PUDP: variants seen among roughly 807,000 people sequenced by gnomAD.
The protein encoded by PUDP is pseudouridine 5'-phosphatase, also known as pseudouridine-5'-phosphatase.
In PUDP, 8 loss-of-function variants were observed where a neutral mutation model predicts 9.4. The ratio of observed to expected loss-of-function variants is 0.85; its 90% CI spans 0.50 to 1.53. PUDP has a LOEUF of 1.53. Ranked by LOEUF, PUDP falls within the 40% of genes most tolerant of loss-of-function variation. PUDP has a pLI of 0.00. For missense variants in PUDP, 188 were observed against 189.7 expected, an observed-to-expected ratio of 0.99 and a Z score of 0.05; for synonymous variants, 99 against 80.7, an observed-to-expected ratio of 1.23 and a Z score of -1.22.
chrX:7,094,769 G>A (rs1206196882), intron 2 of PUDP, among the ~76,000 whole-genome samples: 1 of 111,905 alleles, frequency 8.9e-6, no homozygotes, highest in Admixed American at 9.4e-5. Flanking sequence ...TCCTGAACAT[G>A]GGGCTAATTC....
At chrX:6,790,100 A>G (rs1276709169) in intron 3 of PUDP, among the ~76,000 whole-genome samples, 2 of 111,749 alleles carry the variant, frequency 1.8e-5, no homozygotes, top group Admixed American at 1.9e-4. Context: ...GATGATAGAT[A>G]GATCATAGAG....
chrX:6,916,969 T>C (rs1237250818), intron 3 of PUDP, among the ~76,000 whole-genome samples: 2 of 112,293 alleles, frequency 1.8e-5, no homozygotes, highest in African/African-American at 6.5e-5. Flanking sequence ...TTGATGTGTG[T>C]ATCTATGCAG....
At chrX:7,017,637 T>C (rs1176500297) in intron 1 of PUDP, among the ~76,000 whole-genome samples, 1 of 112,171 alleles carries the variant, frequency 8.9e-6, no homozygotes, top group East Asian at 2.8e-4. Flanking sequence ...GAGTTCTTCC[T>C]AGAATTGGAT....
chrX:6,765,873 A>C lies in PUDP; in HGVS notation c.*248-59407T>G, dbSNP rs998178349. Among the ~76,000 whole-genome samples the C allele has an allele frequency of 5.4e-5, 6 of 111,837 alleles. 1 individual carries two copies. The Admixed American group carries it at 5.7e-4, about 11-fold the overall frequency. ...CAAGTTTGCCAAGAGACATAAACAA[A>C]CAGATTCAAAAAACTGAGTGAAGGC... is the stretch of plus-strand genomic sequence containing the variant. On this transcript the variant is annotated intron_variant and NMD_transcript_variant, in intron 3 of 3. Coordinates refer to the PUDP transcript ENST00000655425.
intron 3 of PUDP, among the ~76,000 whole-genome samples, chrX:6,853,599 A>G (rs958739438): frequency 9.0e-6 from 1 of 111,137 alleles, no homozygotes; most frequent in South Asian, 3.8e-4. Flanking sequence ...CCTGTAAAGG[A>G]AAACTCATAC....
At chrX:6,758,303 AT>A (rs1412194528) in intron 3 of PUDP, among the ~76,000 whole-genome samples, 2 of 109,934 alleles carry the variant, frequency 1.8e-5, no homozygotes, top group Non-Finnish European at 3.8e-5. Flanking sequence ...CTCTACAAAA[AT>A]TTTTTTTAAT....
intron 3 of PUDP, among the ~76,000 whole-genome samples, chrX:6,758,334 GCAC>G (rs1925192775): frequency 9.1e-6 from 1 of 110,288 alleles, no homozygotes; most frequent in Non-Finnish European, 1.9e-5. Context: ...ATGGTGGCAT[GCAC>G]CTCTGGTCCC....
intron 1 of PUDP, among the ~76,000 whole-genome samples, chrX:7,022,051 ACTGT>A (rs761461024): frequency 9.0e-6 from 1 of 111,267 alleles, no homozygotes; most frequent in East Asian, 2.8e-4. Context: ...AACAAACTGG[ACTGT>A]GGGCACCATC....
intron 3 of PUDP, among the ~76,000 whole-genome samples, chrX:6,849,653 G>GC (rs1384724282): frequency 9.0e-6 from 1 of 111,670 alleles, no homozygotes; most frequent in East Asian, 2.8e-4. Context: ...GCCCCCATGT[G>GC]CCCCAAAAAG....
At chrX:7,140,121 T>C (rs1454741502) in intron 1 of PUDP, among the ~76,000 whole-genome samples, 1 of 112,344 alleles carries the variant, frequency 8.9e-6, no homozygotes, top group Non-Finnish European at 1.9e-5. Context: ...TCTTACACAG[T>C]AGAAATGCAT....
chrX:6,932,573 T>A (rs1410230964), intron 3 of PUDP, among the ~76,000 whole-genome samples: 1 of 110,943 alleles, frequency 9.0e-6, no homozygotes. Flanking sequence ...TGCATTTCCA[T>A]CTGAGGTACC....
At chrX:6,757,316 A>G (rs1925180564) in intron 3 of PUDP, among the ~76,000 whole-genome samples, 1 of 111,058 alleles carries the variant, frequency 9.0e-6, no homozygotes, top group African/African-American at 3.3e-5. Flanking sequence ...TTTACGAGGC[A>G]GAGGAAACAG....
chrX:6,989,960 G>A (rs1293728980), intron 1 of PUDP, among the ~76,000 whole-genome samples: 1 of 111,033 alleles, frequency 9.0e-6, no homozygotes, highest in African/African-American at 3.3e-5. Flanking sequence ...AGGACTCAGG[G>A]AAGGCAGGGG....
intron 3 of PUDP, among the ~76,000 whole-genome samples, chrX:6,775,633 C>A (rs1401676025): frequency 9.0e-6 from 1 of 111,143 alleles, no homozygotes; most frequent in African/African-American, 3.3e-5. Flanking sequence ...GAGATCTCAA[C>A]CCCCAAGATG....
At chrX:7,144,456 C>T (rs1279895734) in intron 1 of PUDP, among the ~76,000 whole-genome samples, 1 of 112,142 alleles carries the variant, frequency 8.9e-6, no homozygotes, top group African/African-American at 3.2e-5. Context: ...CACGCTATGT[C>T]TGTGGAATTT....
intron 3 of PUDP, among the ~76,000 whole-genome samples, chrX:6,869,787 A>G (rs1482475038): frequency 9.0e-6 from 1 of 111,616 alleles, no homozygotes; most frequent in African/African-American, 3.3e-5. Context: ...AAGTGGAAAA[A>G]TTGAAACCCT....
At chrX:6,720,751 C>T (rs1924664261) in intron 1 of PUDP, among the ~76,000 whole-genome samples, 2 of 110,494 alleles carry the variant, frequency 1.8e-5, no homozygotes, top group Non-Finnish European at 3.8e-5. Context: ...ATAACGTGCT[C>T]GTTTATCAAA....
rs756173311 is a variant in PUDP at position 7,077,236 on chromosome X, G to A, written c.494C>T (p.Pro165Leu). ...FLACAKRFSP[P>L]PAMEKCLVFE... Reference sequence around the variant, plus strand: ...CCCACTTACCTTCTCCATAGCAGGAGGGGGAGAGAACCTCTTGGCACAAGC... The same window carrying A: ...CCCACTTACCTTCTCCATAGCAGGAAGGGGAGAGAACCTCTTGGCACAAGC... Residue 165 changes from proline to leucine, a missense_variant, in exon 3 of 4, where the codon CCT (proline) becomes CTT (leucine). By Grantham distance (98) the Pro-to-Leu change is moderately conservative. Transcript: ENST00000381077. 2 of 1,195,466 alleles carry A rather than the reference G, an allele frequency of 1.7e-6. No homozygotes were observed. The highest frequency in any genetic ancestry group is 3.7e-5 in the South Asian group (2 of 54,759).
chrX:7,026,898 G>T (rs915519001), intron 1 of PUDP, among the ~76,000 whole-genome samples: 5 of 111,485 alleles, frequency 4.5e-5, no homozygotes, highest in Non-Finnish European at 9.4e-5. Context: ...GGAAACCTGC[G>T]ATTCTCTCTC....
Sources: allele counts gnomAD v4.1 joint callset (sites outside exome capture counted in the v4.1 genomes callset), GRCh38; gene constraint gnomAD v4.1.1; transcripts MANE v1.5; gene names NCBI Gene and HGNC (gene_info 2026-07-23, HGNC 2026-07-21).